Variants in ZSCAN25 observed in about 807,000 individuals in gnomAD.
ZSCAN25 encodes the protein zinc finger and SCAN domain-containing protein 25.
A neutral mutation model predicts 38.7 loss-of-function variants in ZSCAN25; 27 were observed. The observed-to-expected ratio is 0.70, with a 90% CI of 0.51 to 0.96. The LOEUF is 0.96. Ranked by LOEUF, ZSCAN25 falls within the 40% of genes least tolerant of loss-of-function variation. ZSCAN25 has a pLI of 0.00. For synonymous variants in ZSCAN25, 273 were observed against 277.7 expected (o/e 0.98, Z 0.17); for missense variants, 637 against 705.9 (o/e 0.90, Z 1.11).
At chr7:99,664,258 A>G in the ZSCAN25 span, among the ~76,000 whole-genome samples, 1 of 152,230 alleles carries the variant, frequency 6.6e-6, no homozygotes, top group Non-Finnish European at 1.5e-5. Flanking sequence ...CCGGCGACTG[A>G]GCAAGGGCAG....
chr7:99,640,726 C>G, the ZSCAN25 span, among the ~76,000 whole-genome samples: 1 of 152,076 alleles, frequency 6.6e-6, no homozygotes, highest in East Asian at 1.9e-4. Context: ...CCAACGCATT[C>G]CCAGGATCAA....
chr7:99,697,116 G>T, the ZSCAN25 span, among the ~76,000 whole-genome samples: 1 of 152,308 alleles, frequency 6.6e-6, no homozygotes, highest in Non-Finnish European at 1.5e-5. Context: ...ATGTAGGAAA[G>T]GACTAATACA....
At chr7:99,637,399 G>C (rs1437031498), downstream of ZSCAN25, among the ~76,000 whole-genome samples, 1 of 151,852 alleles carries the variant, frequency 6.6e-6, no homozygotes, top group Non-Finnish European at 1.5e-5. Flanking sequence ...TTTTTTTAAA[G>C]TTTAAAAAAG....
chr7:99,632,989 G>GTTGTTTTTTTTTTTTTGTTTTTT (rs1554412109), downstream of ZSCAN25, among the ~76,000 whole-genome samples: 5 of 128,528 alleles, frequency 3.9e-5, no homozygotes, highest in African/African-American at 1.5e-4. Context: ...ATTTTCTGTT[G>GTTGTTTTTTTTTTTTTGTTTTTT]TTTTTTTTTT....
chr7:99,638,238 C>T, the ZSCAN25 span: 1 of 1,553,148 alleles, frequency 6.4e-7, no homozygotes. Context: ...GGAGAATGCT[C>T]ATTAAGATTT....
chr7:99,697,008 C>T, the ZSCAN25 span, among the ~76,000 whole-genome samples: 2 of 152,180 alleles, frequency 1.3e-5, no homozygotes, highest in Non-Finnish European at 2.9e-5. Context: ...TCCCTAGAGG[C>T]AGAAGTCGCT....
chr7:99,673,645 C>T, the ZSCAN25 span, among the ~76,000 whole-genome samples: 1 of 152,188 alleles, frequency 6.6e-6, no homozygotes, highest in Non-Finnish European at 1.5e-5. Flanking sequence ...CTCAACCCTT[C>T]TTTCAAAAGC....
At chr7:99,638,863 C>G in the ZSCAN25 span, 39 of 603,562 alleles carry the variant, frequency 6.5e-5, 1 homozygote, top group East Asian at 1.1e-3. Context: ...AGGCTCCCAG[C>G]CTTTGCGGCC....
the ZSCAN25 span, among the ~76,000 whole-genome samples, chr7:99,647,134 C>T: frequency 6.6e-6 from 1 of 152,224 alleles, no homozygotes; most frequent in Non-Finnish European, 1.5e-5. Flanking sequence ...CAGGGATACC[C>T]TCCTCACCTC....
the ZSCAN25 span, chr7:99,676,654 A>G: frequency 2.4e-6 from 2 of 841,062 alleles, no homozygotes; most frequent in African/African-American, 3.5e-5. Flanking sequence ...ACTCAATCAC[A>G]GAGGGTCACT....
At chr7:99,713,198 G>A in the ZSCAN25 span, among the ~76,000 whole-genome samples, 1 of 152,122 alleles carries the variant, frequency 6.6e-6, no homozygotes, top group African/African-American at 2.4e-5. Flanking sequence ...CTGAGAACTG[G>A]CATTTGATCT....
chr7:99,643,552 C>A, the ZSCAN25 span, among the ~76,000 whole-genome samples: 1 of 151,758 alleles, frequency 6.6e-6, no homozygotes. Flanking sequence ...TTTTCACAGT[C>A]TTGAGGTGAG....
chr7:99,679,607 C>G, the ZSCAN25 span, among the ~76,000 whole-genome samples: 487 of 152,274 alleles, frequency 3.2e-3, 1 homozygote, highest in African/African-American at 0.011. Context: ...CTAAACCCTC[C>G]TAGTCACCAA....
At chr7:99,691,054 C>T in the ZSCAN25 span, among the ~76,000 whole-genome samples, 29 of 152,286 alleles carry the variant, frequency 1.9e-4, no homozygotes, top group African/African-American at 6.5e-4. Flanking sequence ...AAATGTCCAA[C>T]AACGATAGAC....
the ZSCAN25 span, among the ~76,000 whole-genome samples, chr7:99,699,503 C>T: frequency 6.6e-6 from 1 of 152,238 alleles, no homozygotes; most frequent in Non-Finnish European, 1.5e-5. Flanking sequence ...AGAGGAAAAA[C>T]TTCTACACAT....
At chr7:99,707,333 T>A in the ZSCAN25 span, among the ~76,000 whole-genome samples, 2 of 152,162 alleles carry the variant, frequency 1.3e-5, no homozygotes, top group African/African-American at 4.8e-5. Context: ...TCTGGGCAAA[T>A]TAGTTTAGAA....
chr7:99,708,446 C>T, the ZSCAN25 span, among the ~76,000 whole-genome samples: 2 of 152,034 alleles, frequency 1.3e-5, no homozygotes, highest in Admixed American at 6.6e-5. Context: ...TCCTCCTTCT[C>T]CTCCCTACCT....
the ZSCAN25 span, chr7:99,665,276 G>A: frequency 2.5e-6 from 4 of 1,613,986 alleles, no homozygotes; most frequent in Non-Finnish European, 3.4e-6. Flanking sequence ...TCCAAATGAT[G>A]TGCCAGTAAT....
At position 99,632,286 on chromosome 7, in the gene ZSCAN25, ATTTTG is replaced by A. The variant is rs1808063059; in HGVS notation, c.*2271_*2275del. On this transcript the variant is annotated 3_prime_UTR_variant, in exon 8 of 8. Transcript: ENST00000394152. Reference sequence around the variant, plus strand: ...CATATCTATTCAAATGTTAAGAAATATTTTGTTTTCTGTATTTTTCTATTCTTTAG... The same window carrying A: ...CATATCTATTCAAATGTTAAGAAATATTTTCTGTATTTTTCTATTCTTTAG... 1 of 977,596 alleles carries A rather than the reference ATTTTG, an allele frequency of 1.0e-6. No homozygotes were observed. Among genetic ancestry groups the A allele is most frequent in the Non-Finnish European group, 1.2e-6 (1 of 823,018 alleles). The allele number at this position is 977,596 out of a possible 1,614,324, so 60.6% of individuals were successfully genotyped here.
Sources: gnomAD v4.1 joint callset for allele counts (sites outside exome capture counted in the v4.1 genomes callset) on GRCh38, gnomAD v4.1.1 for gene constraint, MANE v1.5 for transcripts, NCBI Gene and HGNC (gene_info 2026-07-23, HGNC 2026-07-21) for gene names.